GNAI1: variants seen among roughly 807,000 people sequenced by gnomAD.
The protein encoded by GNAI1 is guanine nucleotide-binding protein G(i) subunit alpha-1.
In GNAI1, 11 loss-of-function variants were observed where a neutral mutation model predicts 38.9. The observed-to-expected ratio is 0.28, with a 90% CI of 0.18 to 0.47. The LOEUF (loss-of-function observed/expected upper bound fraction) is 0.47. GNAI1 is among the 20% of genes least tolerant of loss of function. The pLI is 0.99. For synonymous variants in GNAI1, 166 were observed against 145.1 expected (o/e 1.14, Z -1.04); for missense variants, 317 against 436.9 (o/e 0.73, Z 2.45).
intron 3 of GNAI1, among the ~76,000 whole-genome samples, chr7:80,190,441 T>A (rs1788462285): frequency 6.6e-6 from 1 of 152,112 alleles, no homozygotes; most frequent in African/African-American, 2.4e-5. Context: ...ATTTGTTGAA[T>A]GAATAAATGA....
intron 1 of GNAI1, 96 bp from the exon 2 acceptor site, chr7:80,188,853 TGG>T: frequency 2.6e-6 from 2 of 770,942 alleles, no homozygotes; most frequent in Non-Finnish European, 4.4e-6. Flanking sequence ...AGAGAGAGAC[TGG>T]GTGTGTGTGT....
At chr7:80,207,040 G>A (rs186197026) in intron 5 of GNAI1, among the ~76,000 whole-genome samples, 414 of 152,112 alleles carry the variant, frequency 2.7e-3, no homozygotes, top group Middle Eastern at 0.02. Flanking sequence ...GTGTGGAGTT[G>A]GAGTTAACAA....
intron 3 of GNAI1, among the ~76,000 whole-genome samples, chr7:80,198,547 T>C (rs1322562570): frequency 3.3e-5 from 5 of 152,158 alleles, no homozygotes; most frequent in African/African-American, 1.2e-4. Flanking sequence ...TTACATACTG[T>C]CCTCTATGTA....
At chr7:80,135,367 G>C in intron 1 of GNAI1, 89 bp downstream of exon 1, 1 of 734,160 alleles carries the variant, frequency 1.4e-6, no homozygotes, top group Non-Finnish European at 2.0e-6. Flanking sequence ...CCGGAGGGAA[G>C]GGGGAGGAAG....
rs940928557 is a variant in GNAI1, at chr7:80,214,337, T to C, written c.874+1468T>C. Reference sequence around the variant, plus strand: ...AGTCAAGATGGCTTAATTTTTCCCTTATTTGAATATATTTTTCAGTTTATT... The same window carrying C: ...AGTCAAGATGGCTTAATTTTTCCCTCATTTGAATATATTTTTCAGTTTATT... On this transcript the variant is annotated intron_variant, in intron 7 of 7. Coordinates refer to ENST00000649796, the MANE Select transcript of GNAI1 (RefSeq NM_002069.6). Among the ~76,000 whole-genome samples the C allele has an allele frequency of 2.0e-5, 3 of 152,162 alleles. No homozygotes were observed. The South Asian group carries it at 6.2e-4, about 32-fold the overall frequency.
intron 1 of GNAI1, among the ~76,000 whole-genome samples, chr7:80,144,619 A>G (rs2714450): frequency 0.53 from 80,876 of 151,916 alleles, 22,309 homozygotes; most frequent in Middle Eastern, 0.63. Flanking sequence ...ACTGATCTAT[A>G]TTATTCATTT....
chr7:80,220,815 G>A lies in GNAI1; in HGVS notation c.*3322G>A, dbSNP rs6972093. 6.1e-3 allele frequency among the ~76,000 whole-genome samples: 935 copies of A among 152,260 alleles called. 11 individuals carry two copies. The highest frequency in any genetic ancestry group is 0.021 in the African/African-American group (885 of 41,560). ...GCTTCTGACTCCATGTCTGTCAGAG[G>A]ACCCCAAAGATGCTACCTTATTTCC... On this transcript the variant is annotated 3_prime_UTR_variant, in exon 8 of 8. Coordinates refer to ENST00000649796, the MANE Select transcript of GNAI1 (RefSeq NM_002069.6).
intron 1 of GNAI1, among the ~76,000 whole-genome samples, chr7:80,143,397 G>C (rs1162373494): frequency 1.3e-5 from 2 of 152,298 alleles, no homozygotes; most frequent in East Asian, 3.9e-4. Context: ...TTATAAATCT[G>C]TCAGTTGTTT....
chr7:80,190,050 C>T (rs1209498085), intron 3 of GNAI1, among the ~76,000 whole-genome samples: 2 of 151,266 alleles, frequency 1.3e-5, no homozygotes, highest in Admixed American at 6.6e-5. Flanking sequence ...CTTTATAATT[C>T]TGTATATTCA....
rs1177064288 is a variant in GNAI1 at position 80,220,226 on chromosome 7, G to T, written c.*2733G>T. 7.3e-6 allele frequency among the ~76,000 whole-genome samples: 1 copy of T among 137,902 alleles called. No homozygotes were observed. The allele number at this position is 137,902 out of a possible 152,430, so 90.5% of individuals were successfully genotyped here. A position where few individuals can be genotyped will look rare whatever the true frequency, so the allele number is the denominator to read the frequency against. On this transcript the variant is annotated 3_prime_UTR_variant, in exon 8 of 8. Coordinates refer to ENST00000649796, the MANE Select transcript of GNAI1 (RefSeq NM_002069.6). ...GTGCATAACCTGGGCTTTCCTCCAA[G>T]TACTGTATTACTTACTACATGTGAT...
At chr7:80,186,502 C>A (rs1174425537) in intron 1 of GNAI1, among the ~76,000 whole-genome samples, 1 of 151,092 alleles carries the variant, frequency 6.6e-6, no homozygotes, top group Non-Finnish European at 1.5e-5. Flanking sequence ...GTTTTTTTTT[C>A]TTAAGGTTTA....
chr7:80,222,432 G>C lies in GNAI1; in HGVS notation c.*4939G>C, dbSNP rs1204423855. On this transcript the variant is annotated 3_prime_UTR_variant, in exon 8 of 8. Transcript: ENST00000649796. Reference sequence around the variant, plus strand: ...GACAGAGTTTCGTTCTTGTTTCCCAGGCTGGAGCGCAATGGTGCGATCTCG... The same window carrying C: ...GACAGAGTTTCGTTCTTGTTTCCCACGCTGGAGCGCAATGGTGCGATCTCG... 7.2e-6 allele frequency among the ~76,000 whole-genome samples: 1 copy of C among 138,918 alleles called. No individual in the cohort carries two copies. The highest frequency in any genetic ancestry group is 1.5e-5 in the Non-Finnish European group (1 of 65,130). The allele number at this position is 138,918 out of a possible 152,430, so 91.1% of individuals were successfully genotyped here. A position where few individuals can be genotyped will look rare whatever the true frequency, so the allele number is the denominator to read the frequency against.
Position 80,203,734 on chromosome 7 carries a change from A to G in GNAI1, c.492A>G (p.Gln164=). The stretch of plus-strand genomic sequence containing the variant: ...TGAATGACTTGGACAGAATAGCTCA[A>G]CCAAATTACATCCCGACTCAACAAG... ...YYLNDLDRIA[Q]PNYIPTQQDV... is the part of the protein sequence containing the mutation. Residue 164 remains glutamine (Q), a synonymous_variant, in exon 5 of 8, where the codon CAA becomes CAG. Transcript: ENST00000649796. 6.3e-7 allele frequency: 1 copy of G among 1,595,530 alleles called. No individual in the cohort carries two copies. Among genetic ancestry groups the G allele is most frequent in the South Asian group, 1.1e-5 (1 of 89,688 alleles).
intron 1 of GNAI1, among the ~76,000 whole-genome samples, chr7:80,156,293 G>T (rs1346017192): frequency 6.6e-6 from 1 of 152,124 alleles, no homozygotes; most frequent in Non-Finnish European, 1.5e-5. Context: ...AGAAAATACG[G>T]AAATAAAAGA....
intron 1 of GNAI1, among the ~76,000 whole-genome samples, chr7:80,164,389 G>A (rs13242552): frequency 0.15 from 22,735 of 148,946 alleles, 1,829 homozygotes; most frequent in South Asian, 0.24. Flanking sequence ...TTGAGACGGA[G>A]TCTTGCTCTG....
Position 80,170,275 on chromosome 7 carries a change from A to G in GNAI1, c.119-18676A>G, listed in dbSNP as rs144600235. 3.1e-3 allele frequency among the ~76,000 whole-genome samples: 466 copies of G among 152,312 alleles called. 3 individuals are homozygous for G. The highest frequency in any genetic ancestry group is 0.01 in the African/African-American group (424 of 41,566). On this transcript the variant is annotated intron_variant, in intron 1 of 7. Transcript: ENST00000649796. ...CTAGCAAGCAGTGTATGAAGATTCCATAATTCTTCTACATTTCAGCAATAC... is the reference window on the plus strand; with the variant it reads ...CTAGCAAGCAGTGTATGAAGATTCCGTAATTCTTCTACATTTCAGCAATAC...
In GNAI1 at chr7:80,159,207, T is replaced by C. The variant is rs144313063; in HGVS notation, c.118+23929T>C. On this transcript the variant is annotated intron_variant, in intron 1 of 7. Transcript: ENST00000649796. ...CAGAGACTTTTGTGAAACAATTTTT[T>C]GGGGGGGCTTACTTGTTTGTTAGCA... Among the ~76,000 whole-genome samples, 557 of 152,234 alleles carry C rather than the reference T, an allele frequency of 3.7e-3. 6 individuals are homozygous for C. Among genetic ancestry groups the C allele is most frequent in the African/African-American group, 0.013 (523 of 41,546 alleles).
chr7:80,190,769 C>T (rs998317217), intron 3 of GNAI1, among the ~76,000 whole-genome samples: 18 of 151,978 alleles, frequency 1.2e-4, no homozygotes, highest in Non-Finnish European at 2.1e-4. Flanking sequence ...TATGTGCTTA[C>T]GAAAGAAAAA....
At chr7:80,217,244 T>TTTCATATGTCTGAAACTGA in intron 7 of GNAI1, 59 bp from the exon 8 acceptor site, 5 of 1,093,790 alleles carry the variant, frequency 4.6e-6, no homozygotes, top group Non-Finnish European at 6.6e-6. Context: ...CTGAATTCAG[T>TTTCATATGTCTGAAACTGA]ATTTTAAGCA....
Sources: allele counts gnomAD v4.1 joint callset (sites outside exome capture counted in the v4.1 genomes callset), GRCh38; gene constraint gnomAD v4.1.1; transcripts MANE v1.5; gene names NCBI Gene and HGNC (gene_info 2026-07-23, HGNC 2026-07-21).